PDE6B: variants seen among roughly 807,000 people sequenced by gnomAD.
PDE6B encodes rod cGMP-specific 3',5'-cyclic phosphodiesterase subunit beta.
PDE6B carries 106 observed loss-of-function variants against 109.0 expected under a neutral mutation model. That is an observed-to-expected ratio of 0.97 (90% confidence interval 0.83 to 1.14). The LOEUF is 1.14. Among genes scored for constraint, PDE6B ranks in the 50% most tolerant of loss-of-function variants. The pLI is 0.00. For missense variants in PDE6B, 1,193 were observed against 1,155.6 expected (o/e 1.03, Z -0.47); for synonymous variants, 490 against 471.3 (o/e 1.04, Z -0.51).
chr4:663,739 G>A lies in PDE6B; in HGVS notation c.1921-31G>A. ...GGGCACCCTGAGAGGTGGCCGCAGG[G>A]CGCCTGACGCGCTGGGCATAACCTC... On this transcript the variant is annotated intron_variant, in intron 15 of 21. Transcript: ENST00000496514. This position sits in a 1 kb window ranked among gnomAD's most constrained non-coding sequence, Gnocchi z 4.0. 6.4e-7 allele frequency: 1 copy of A among 1,563,342 alleles called. No individual in the cohort carries two copies. The highest frequency in any genetic ancestry group is 1.7e-5 in the Admixed American group (1 of 59,796).
At chr4:631,264 G>A (rs1292602598) in intron 1 of PDE6B, among the ~76,000 whole-genome samples, 2 of 152,222 alleles carry the variant, frequency 1.3e-5, no homozygotes, top group African/African-American at 4.8e-5. Flanking sequence ...AACGTGTGGG[G>A]CAGAGAGAAG....
chr4:667,943 T>G lies in PDE6B; in HGVS notation c.2440T>G (p.Tyr814Asp). Residue 814 changes from tyrosine (Y) to aspartate (D), a missense_variant, in exon 21 of 22, where the codon TAT (tyrosine) becomes GAT (aspartate). Coordinates refer to ENST00000496514, the MANE Select transcript of PDE6B (RefSeq NM_000283.4). ...RKEWKALADE[Y>D]EAKVKALEEK... ...AGAGTGGAAGGCGCTGGCTGATGAG[T>G]ATGAGGCCAAAGTGAAGGCTCTGGA... 1 of 1,612,996 alleles carries G rather than the reference T, an allele frequency of 6.2e-7. No homozygotes were observed. The highest frequency in any genetic ancestry group is 8.5e-7 in the Non-Finnish European group (1 of 1,179,626).
chr4:667,316 C>A (rs1436939722), intron 20 of PDE6B, among the ~76,000 whole-genome samples: 2 of 152,184 alleles, frequency 1.3e-5, no homozygotes, highest in Admixed American at 1.3e-4. Context: ...ATCCTACCCA[C>A]CCCGGGTCGT....
intron 3 of PDE6B, among the ~76,000 whole-genome samples, chr4:645,453 G>A (rs1039153876): frequency 6.6e-6 from 1 of 151,524 alleles, no homozygotes; most frequent in Non-Finnish European, 1.5e-5. Context: ...CCGCCACCAC[G>A]CCCGGCTAAT....
chr4:644,960 G>C (rs184324114), intron 3 of PDE6B, among the ~76,000 whole-genome samples: 2 of 152,184 alleles, frequency 1.3e-5, no homozygotes, highest in East Asian at 3.9e-4. Context: ...ATCAGCTTTT[G>C]CTTCATGTGT....
intron 1 of PDE6B, among the ~76,000 whole-genome samples, chr4:627,607 A>T (rs924532532): frequency 2.0e-5 from 3 of 152,086 alleles, no homozygotes; most frequent in Non-Finnish European, 4.4e-5. Flanking sequence ...GGAAGCCAGG[A>T]AACTTCACAG....
At chr4:649,397 C>A (rs1163739896) in intron 3 of PDE6B, among the ~76,000 whole-genome samples, 1 of 152,040 alleles carries the variant, frequency 6.6e-6, no homozygotes. Flanking sequence ...AGGCCCTGGG[C>A]CCAGGGGGAA....
chr4:628,435 C>T (rs1260678150), intron 1 of PDE6B, among the ~76,000 whole-genome samples: 1 of 152,108 alleles, frequency 6.6e-6, no homozygotes, highest in African/African-American at 2.4e-5. Flanking sequence ...CGGAGTCTCA[C>T]CCTCCTGCCC....
chr4:663,772 C>T lies in PDE6B; in HGVS notation c.1923C>T (p.Thr641=), dbSNP rs1162577076. Reference sequence around the variant, plus strand: ...CGCGCTGGGCATAACCTCCGCAGACCCTGAACATCTACCAGAACCTGAACC... The same window carrying T: ...CGCGCTGGGCATAACCTCCGCAGACTCTGAACATCTACCAGAACCTGAACC... ...EFGKFLLSEE[T]LNIYQNLNRR... is the part of the protein sequence containing the mutation. The change falls in exon 16 of 22, where the codon ACC becomes ACT. Residue 641 remains threonine (T), a splice_region_variant and synonymous_variant. Coordinates refer to ENST00000496514, the MANE Select transcript of PDE6B (RefSeq NM_000283.4). This position sits in a 1 kb window ranked among gnomAD's most constrained non-coding sequence, Gnocchi z 4.0. The T allele has an allele frequency of 7.7e-5, 124 of 1,611,198 alleles. No homozygotes were observed. The highest frequency in any genetic ancestry group is 7.8e-5 in the Non-Finnish European group (92 of 1,178,560).
intron 11 of PDE6B, among the ~76,000 whole-genome samples, chr4:659,570 T>C (rs1002490811): frequency 1.3e-5 from 2 of 151,330 alleles, no homozygotes; most frequent in Admixed American, 6.6e-5. Context: ...TGTGCACATG[T>C]GGGTGTGTGT....
Position 666,859 on chromosome 4 carries a change from T to C in PDE6B, c.2352+245T>C, listed in dbSNP as rs890995712. On this transcript the variant is annotated intron_variant, in intron 20 of 21. Coordinates refer to ENST00000496514, the MANE Select transcript of PDE6B (RefSeq NM_000283.4). The surrounding 1 kb of genome is among the most constrained non-coding windows in gnomAD (Gnocchi z 5.6). ...GTGCCCCTGGAAGCTCTGAGCCCTT[T>C]CCCAGCCCAGAATGTCCTCTGCTAG... Among the ~76,000 whole-genome samples, 2 of 152,142 alleles carry C rather than the reference T, an allele frequency of 1.3e-5. No individual in the cohort carries two copies. Among genetic ancestry groups the C allele is most frequent in the Non-Finnish European group, 2.9e-5 (2 of 68,008 alleles).
chr4:667,945 T>C lies in PDE6B; in HGVS notation c.2442T>C (p.Tyr814=). 1 of 1,613,394 alleles carries C rather than the reference T, an allele frequency of 6.2e-7. No individual in the cohort carries two copies. The change falls in exon 21 of 22, where the codon TAT becomes TAC. Residue 814 remains tyrosine, a synonymous_variant. Transcript: ENST00000496514. The stretch of plus-strand genomic sequence containing the variant: ...AGTGGAAGGCGCTGGCTGATGAGTA[T>C]GAGGCCAAAGTGAAGGCTCTGGAGG... The part of the protein sequence containing the change: ...RKEWKALADE[Y]EAKVKALEEK...
At position 626,493 on chromosome 4, in the gene PDE6B, G is replaced by A. The variant is rs1485187516; in HGVS notation, c.468+399G>A. The stretch of plus-strand genomic sequence containing the variant: ...GGGGCTTCAGGGCTCTCTGGGCTGG[G>A]AGGGAGGCCCTGCCTTGGGATTTGG... On this transcript the variant is annotated intron_variant, in intron 1 of 21. Transcript: ENST00000496514. This position sits in a 1 kb window ranked among gnomAD's most constrained non-coding sequence, Gnocchi z 4.6. Among the ~76,000 whole-genome samples the A allele has an allele frequency of 6.6e-6, 1 of 152,240 alleles. No homozygotes were observed. The highest frequency in any genetic ancestry group is 1.5e-5 in the Non-Finnish European group (1 of 68,040).
chr4:667,179 G>A (rs951406761), intron 20 of PDE6B, among the ~76,000 whole-genome samples: 1 of 152,184 alleles, frequency 6.6e-6, no homozygotes, highest in Non-Finnish European at 1.5e-5. Flanking sequence ...GTGGGGCCCT[G>A]TGTGATGCCC....
Position 662,033 on chromosome 4 carries a change from G to A in PDE6B, c.1615-101G>A, listed in dbSNP as rs961370535. 54 of 711,366 alleles carry A rather than the reference G, an allele frequency of 7.6e-5. No homozygotes were observed. The East Asian group carries it at 1.2e-3, about 16-fold the overall frequency. The allele number at this position is 711,366 out of a possible 1,614,324, so 44.1% of individuals were successfully genotyped here. On this transcript the variant is annotated intron_variant, in intron 12 of 21. Transcript: ENST00000496514. This position sits in a 1 kb window ranked among gnomAD's most constrained non-coding sequence, Gnocchi z 4.3. ...GTCCAGGAGACGGTGTGGGGATGATGGCACGGAGCAGGGCTTCCACTGTGA... is the reference window on the plus strand; with the variant it reads ...GTCCAGGAGACGGTGTGGGGATGATAGCACGGAGCAGGGCTTCCACTGTGA...
chr4:669,961 G>T, intron 21 of PDE6B, 85 bp from the exon 22 acceptor site: 1 of 1,120,954 alleles, frequency 8.9e-7, no homozygotes, highest in Non-Finnish European at 1.4e-6. Context: ...GCAGGGGTTG[G>T]TAGAGGTCAC....
At position 626,328 on chromosome 4, in the gene PDE6B, G is replaced by C. The variant is rs912922235; in HGVS notation, c.468+234G>C. 6.6e-6 allele frequency among the ~76,000 whole-genome samples: 1 copy of C among 152,228 alleles called. No homozygotes were observed. The highest frequency in any genetic ancestry group is 1.5e-5 in the Non-Finnish European group (1 of 68,046). ...CTGACATCGCATGGCCACTGAGTTG[G>C]TTAGACCTGAGTCTAGGAGCCTCGG... On this transcript the variant is annotated intron_variant, in intron 1 of 21. Coordinates refer to ENST00000496514, the MANE Select transcript of PDE6B (RefSeq NM_000283.4). The surrounding 1 kb of genome is among the most constrained non-coding windows in gnomAD (Gnocchi z 4.6).
Position 665,480 on chromosome 4 carries a change from G to A in PDE6B, c.2268+151G>A, listed in dbSNP as rs1214556819. 2.1e-5 allele frequency: 15 copies of A among 703,912 alleles called. No individual in the cohort carries two copies. Among genetic ancestry groups the A allele is most frequent in the Admixed American group, 1.6e-4 (8 of 49,394 alleles). The allele number at this position is 703,912 out of a possible 1,614,324, so 43.6% of individuals were successfully genotyped here. A position where few individuals can be genotyped will look rare whatever the true frequency, so the allele number is the denominator to read the frequency against. On this transcript the variant is annotated intron_variant, in intron 19 of 21. Transcript: ENST00000496514. The surrounding 1 kb of genome is among the most constrained non-coding windows in gnomAD (Gnocchi z 4.0). Reference sequence around the variant, plus strand: ...CACTTTGTGGGATCATGTGACATGCGTGTGGGTGGCTCGGACCTGGGTACA... The same window carrying A: ...CACTTTGTGGGATCATGTGACATGCATGTGGGTGGCTCGGACCTGGGTACA...
intron 8 of PDE6B, among the ~76,000 whole-genome samples, 192 bp from the exon 9 acceptor site, chr4:656,682 C>A (rs961757662): frequency 3.3e-5 from 5 of 152,232 alleles, no homozygotes; most frequent in African/African-American, 1.2e-4. Context: ...GGGAAAATAT[C>A]ATGACACAAA....
Sources: gnomAD v4.1 joint callset for allele counts (sites outside exome capture counted in the v4.1 genomes callset) on GRCh38, gnomAD v4.1.1 for gene constraint, Gnocchi (gnomAD v3.1) non-coding constraint, MANE v1.5 for transcripts, NCBI Gene and HGNC (gene_info 2026-07-23, HGNC 2026-07-21) for gene names.